The following DPYD variants were observed in gnomAD, a reference collection of about 807,000 sequenced individuals.
DPYD encodes the protein dihydropyrimidine dehydrogenase.
DPYD carries 109 observed loss-of-function variants against 116.2 expected under a neutral mutation model. The observed-to-expected ratio is 0.94, with a 90% CI of 0.80 to 1.10. The LOEUF (loss-of-function observed/expected upper bound fraction) is 1.10. Ranked by LOEUF, DPYD falls within the 50% of genes least tolerant of loss-of-function variation. The pLI is 0.00. For missense variants in DPYD, 1,302 were observed against 1,254.5 expected, an observed-to-expected ratio of 1.04 and a Z score of -0.57; for synonymous variants, 440 against 432.0, an observed-to-expected ratio of 1.02 and a Z score of -0.23.
intron 5 of DPYD, chr1:97,700,089 T>C (rs1391705271): frequency 5.4e-6 from 2 of 368,004 alleles, no homozygotes; most frequent in Non-Finnish European, 1.1e-5. Flanking sequence ...CAAGAACTAC[T>C]GACGCAGGCA....
At chr1:97,124,080 T>C (rs1652652737) in intron 20 of DPYD, among the ~76,000 whole-genome samples, 1 of 152,148 alleles carries the variant, frequency 6.6e-6, no homozygotes, top group South Asian at 2.1e-4. Context: ...TTTTGCACTC[T>C]CAATTTTTGC....
chr1:97,890,663 A>G (rs1672730036), intron 1 of DPYD, among the ~76,000 whole-genome samples: 1 of 151,944 alleles, frequency 6.6e-6, no homozygotes, highest in African/African-American at 2.4e-5. Context: ...ACCATTACTA[A>G]TCTCATCCAT....
intron 3 of DPYD, among the ~76,000 whole-genome samples, chr1:97,749,741 A>AT (rs532993186): frequency 3.3e-5 from 5 of 151,196 alleles, no homozygotes; most frequent in Admixed American, 6.6e-5. Context: ...GCCATATGTA[A>AT]TTTTTTTTTG....
chr1:97,527,179 C>A (rs1045029765), intron 12 of DPYD, among the ~76,000 whole-genome samples: 2 of 151,638 alleles, frequency 1.3e-5, no homozygotes, highest in Admixed American at 1.3e-4. Flanking sequence ...CCCGGGTTCA[C>A]GCCATTTTCC....
At chr1:97,350,612 T>C (rs1447782373) in intron 16 of DPYD, among the ~76,000 whole-genome samples, 3 of 152,150 alleles carry the variant, frequency 2.0e-5, no homozygotes, top group African/African-American at 7.2e-5. Context: ...ACAGGTTTTG[T>C]ATTAAAACTG....
At chr1:97,542,404 C>G (rs1192450397) in intron 12 of DPYD, among the ~76,000 whole-genome samples, 2 of 152,146 alleles carry the variant, frequency 1.3e-5, no homozygotes, top group Non-Finnish European at 2.9e-5. Flanking sequence ...TGGATTTCAG[C>G]CAGCTTGTAC....
At chr1:97,116,852 A>G (rs1652003316) in intron 20 of DPYD, among the ~76,000 whole-genome samples, 1 of 152,030 alleles carries the variant, frequency 6.6e-6, no homozygotes, top group Non-Finnish European at 1.5e-5. Context: ...ACCTCAGAAA[A>G]TGCTCAAAAA....
chr1:97,875,246 T>A (rs1483491568), intron 2 of DPYD, among the ~76,000 whole-genome samples: 8 of 151,924 alleles, frequency 5.3e-5, no homozygotes, highest in African/African-American at 1.7e-4. Flanking sequence ...CAGGCAGGAA[T>A]AGGCATGAAT....
chr1:97,505,526 T>C (rs1647262303), intron 13 of DPYD, among the ~76,000 whole-genome samples: 1 of 151,582 alleles, frequency 6.6e-6, no homozygotes, highest in Non-Finnish European at 1.5e-5. Context: ...AAATATTGCA[T>C]ATTAAGTAAC....
Position 97,323,585 on chromosome 1 carries a change from CATATAT to C in DPYD, c.2059-17294_2059-17289del, listed in dbSNP as rs71071646. On this transcript the variant is annotated intron_variant, in intron 16 of 22. Coordinates refer to ENST00000370192, the MANE Select transcript of DPYD (RefSeq NM_000110.4). ...TATATATACACGTATATATACATAT[CATATAT>C]ACATATATGTGTATATATACACGTA... 1.4e-4 allele frequency among the ~76,000 whole-genome samples: 9 copies of C among 63,518 alleles called. No homozygotes were observed. The East Asian group carries it at 2.9e-3, about 20-fold the overall frequency. 41.7% of individuals were successfully genotyped at this position (63,518 alleles called of 152,430 possible).
At chr1:97,225,937 T>C (rs1051587763) in intron 19 of DPYD, among the ~76,000 whole-genome samples, 9 of 151,864 alleles carry the variant, frequency 5.9e-5, no homozygotes, top group Non-Finnish European at 1.2e-4. Context: ...AAGGGTACTA[T>C]AGGAAAAAAA....
At chr1:97,160,187 A>T (rs1655786051) in intron 20 of DPYD, among the ~76,000 whole-genome samples, 1 of 152,132 alleles carries the variant, frequency 6.6e-6, no homozygotes, top group Admixed American at 6.6e-5. Flanking sequence ...ATTTTAGAAC[A>T]ATTCTTATTT....
At chr1:97,269,790 C>T (rs1000804889) in intron 18 of DPYD, among the ~76,000 whole-genome samples, 1 of 152,148 alleles carries the variant, frequency 6.6e-6, no homozygotes, top group Admixed American at 6.6e-5. Flanking sequence ...CTTTCAGCAC[C>T]TCTTCACAGG....
intron 3 of DPYD, among the ~76,000 whole-genome samples, chr1:97,757,380 G>A: frequency 6.6e-6 from 1 of 152,154 alleles, no homozygotes; most frequent in South Asian, 2.1e-4. Flanking sequence ...TCAGATGCAG[G>A]AGGCCCAGCA....
At chr1:97,085,026 G>A (rs1365759894) in intron 21 of DPYD, among the ~76,000 whole-genome samples, 2 of 152,060 alleles carry the variant, frequency 1.3e-5, no homozygotes, top group South Asian at 2.1e-4. Context: ...ATTGATATGA[G>A]TATTTTAAAT....
At chr1:97,196,290 A>T (rs1006968431) in intron 19 of DPYD, among the ~76,000 whole-genome samples, 10 of 151,672 alleles carry the variant, frequency 6.6e-5, no homozygotes, top group South Asian at 2.1e-4. Flanking sequence ...TTATTTATTT[A>T]TTTTTTTATT....
rs141475803 is a variant in DPYD, at chr1:97,887,522, G to A, written c.40-4148C>T. 3.4e-3 allele frequency among the ~76,000 whole-genome samples: 471 copies of A among 137,968 alleles called. 2 individuals carry two copies. The highest frequency in any genetic ancestry group is 0.012 in the African/African-American group (445 of 36,952). 90.5% of individuals were successfully genotyped at this position (137,968 alleles called of 152,430 possible). A position where few individuals can be genotyped will look rare whatever the true frequency, so the allele number is the denominator to read the frequency against. ...TATATCCAGTCGCTAGTAACAAGTC[G>A]CCCTCCTCTAGAGGGGGTTTAGTGT... On this transcript the variant is annotated intron_variant, in intron 1 of 22. Coordinates refer to ENST00000370192, the MANE Select transcript of DPYD (RefSeq NM_000110.4).
intron 3 of DPYD, among the ~76,000 whole-genome samples, chr1:97,772,335 CTTCT>C (rs761277861): frequency 2.6e-5 from 4 of 152,254 alleles, no homozygotes; most frequent in South Asian, 2.1e-4. Flanking sequence ...AGAAATTGTA[CTTCT>C]TTCTTTCTTT....
chr1:97,898,336 T>C (rs945147358), intron 1 of DPYD, among the ~76,000 whole-genome samples: 2 of 151,836 alleles, frequency 1.3e-5, no homozygotes, highest in Non-Finnish European at 2.9e-5. Context: ...GTTGTTCTGT[T>C]CTACAAACTC....
Sources: allele counts gnomAD v4.1 joint callset (sites outside exome capture counted in the v4.1 genomes callset), GRCh38; gene constraint gnomAD v4.1.1; transcripts MANE v1.5; gene names NCBI Gene and HGNC (gene_info 2026-07-23, HGNC 2026-07-21).